CPQ: variants seen among roughly 807,000 people sequenced by gnomAD.
The protein encoded by CPQ is Ser-Met dipeptidase.
Under a neutral mutation model 45.7 loss-of-function variants are expected in CPQ, and 37 were observed. That is an observed-to-expected ratio of 0.81 (90% CI 0.62 to 1.07). The LOEUF is 1.07. CPQ is among the 50% of genes least tolerant of loss of function. CPQ has a pLI of 0.00. For missense variants in CPQ, 537 were observed against 572.9 expected (o/e 0.94, Z 0.64); for synonymous variants, 186 against 205.8 (o/e 0.90, Z 0.82).
At chr8:96,984,212 A>G (rs952191959) in intron 5 of CPQ, among the ~76,000 whole-genome samples, 19 of 152,082 alleles carry the variant, frequency 1.2e-4, no homozygotes, top group Non-Finnish European at 5.9e-5. Context: ...CATCATATAT[A>G]TTATTGTTGA....
At chr8:96,737,416 G>C (rs906300692) in intron 1 of CPQ, among the ~76,000 whole-genome samples, 5 of 145,100 alleles carry the variant, frequency 3.4e-5, no homozygotes, top group Non-Finnish European at 7.5e-5. Flanking sequence ...CCCACAATAG[G>C]CTGTCTGCAA....
At chr8:96,780,947 G>T (rs895761032) in intron 1 of CPQ, among the ~76,000 whole-genome samples, 6 of 152,006 alleles carry the variant, frequency 3.9e-5, no homozygotes, top group East Asian at 1.9e-4. Flanking sequence ...GTGCTCTAGA[G>T]GGGGAGGAGG....
intron 1 of CPQ, among the ~76,000 whole-genome samples, chr8:96,762,933 T>G (rs565509710): frequency 1.7e-4 from 26 of 152,202 alleles, no homozygotes; most frequent in Non-Finnish European, 3.8e-4. Flanking sequence ...CATCACAGAT[T>G]AAGTGGCTTA....
intron 4 of CPQ, among the ~76,000 whole-genome samples, chr8:96,888,312 G>A (rs1275324849): frequency 6.6e-6 from 1 of 152,100 alleles, no homozygotes. Context: ...TTTATTTCTG[G>A]CACAAATAAG....
intron 2 of CPQ, among the ~76,000 whole-genome samples, chr8:96,805,978 T>C (rs1354113687): frequency 6.6e-6 from 1 of 152,114 alleles, no homozygotes; most frequent in East Asian, 1.9e-4. Context: ...CTTCTGGCAA[T>C]GGATCAGCCA....
intron 4 of CPQ, among the ~76,000 whole-genome samples, chr8:96,957,870 G>T (rs1345278549): frequency 2.0e-5 from 3 of 150,024 alleles, no homozygotes; most frequent in Non-Finnish European, 3.0e-5. Flanking sequence ...ATCTGGCTCT[G>T]TGGTACATAC....
rs528586832 is a variant in CPQ at position 96,935,858 on chromosome 8, T to C, written c.850-30077T>C. ...AGGAACTCAGCCTGAGATGAAAAGG[T>C]TTCCATTAGTGAACCACATGTAGAC... On this transcript the variant is annotated intron_variant, in intron 4 of 7. Coordinates refer to ENST00000220763, the MANE Select transcript of CPQ (RefSeq NM_016134.4). Among the ~76,000 whole-genome samples the C allele has an allele frequency of 9.2e-5, 14 of 152,268 alleles. 1 individual carries two copies. Among genetic ancestry groups the C allele is most frequent in the East Asian group, 3.9e-4 (2 of 5,188 alleles).
rs535048583 is a variant in CPQ at position 97,000,012 on chromosome 8, G to A, written c.962-29391G>A. Among the ~76,000 whole-genome samples the A allele has an allele frequency of 4.0e-3, 554 of 138,762 alleles. 4 individuals are homozygous for A. Among genetic ancestry groups the A allele is most frequent in the African/African-American group, 0.014 (524 of 37,648 alleles). 91.0% of individuals were successfully genotyped at this position (138,762 alleles called of 152,430 possible). A position where few individuals can be genotyped will look rare whatever the true frequency, so the allele number is the denominator to read the frequency against. ...AGTGCTGCTGAGCTTTTTTTTTTTT[G>A]TATGATTGTTGGCTTCATGTATGTC... On this transcript the variant is annotated intron_variant, in intron 5 of 7. Coordinates refer to ENST00000220763, the MANE Select transcript of CPQ (RefSeq NM_016134.4).
At chr8:96,918,871 T>C (rs1812767750) in intron 4 of CPQ, among the ~76,000 whole-genome samples, 1 of 152,128 alleles carries the variant, frequency 6.6e-6, no homozygotes, top group Non-Finnish European at 1.5e-5. Context: ...AGGGTGTATA[T>C]GCTTTTCATA....
chr8:96,738,306 T>C (rs1174014249), intron 1 of CPQ, among the ~76,000 whole-genome samples: 1 of 152,164 alleles, frequency 6.6e-6, no homozygotes, highest in Non-Finnish European at 1.5e-5. Flanking sequence ...GGAGGTATGT[T>C]AAAATCTTCC....
intron 1 of CPQ, among the ~76,000 whole-genome samples, chr8:96,687,790 T>C (rs914473313): frequency 7.9e-5 from 12 of 152,132 alleles, no homozygotes; most frequent in Non-Finnish European, 7.4e-5. Flanking sequence ...ATTTTCATTT[T>C]CTGGGTTTGT....
chr8:97,028,459 A>G (rs1162100935), intron 5 of CPQ, among the ~76,000 whole-genome samples: 1 of 152,240 alleles, frequency 6.6e-6, no homozygotes, highest in Non-Finnish European at 1.5e-5. Flanking sequence ...ATGGCTCCCC[A>G]TGAGGAGGTG....
intron 5 of CPQ, among the ~76,000 whole-genome samples, chr8:97,009,844 C>G (rs1364818084): frequency 6.6e-6 from 1 of 152,172 alleles, no homozygotes; most frequent in Non-Finnish European, 1.5e-5. Flanking sequence ...ATGGCCTCAG[C>G]TTACAGTGTG....
intron 1 of CPQ, among the ~76,000 whole-genome samples, chr8:96,689,055 A>G (rs1809271267): frequency 6.6e-6 from 1 of 152,190 alleles, no homozygotes; most frequent in Non-Finnish European, 1.5e-5. Context: ...ATCTTCTCAA[A>G]TTTCTTCATA....
intron 2 of CPQ, among the ~76,000 whole-genome samples, chr8:96,810,661 C>T (rs1029818853): frequency 2.6e-5 from 4 of 152,134 alleles, no homozygotes; most frequent in Non-Finnish European, 4.4e-5. Flanking sequence ...CCAAACCAAA[C>T]GGATAAAATA....
chr8:97,055,024 T>C (rs574758707), intron 6 of CPQ, among the ~76,000 whole-genome samples: 1 of 150,288 alleles, frequency 6.7e-6, no homozygotes, highest in South Asian at 2.1e-4. Context: ...TGGAAAATAA[T>C]AGTTACCCTC....
intron 5 of CPQ, among the ~76,000 whole-genome samples, chr8:96,981,144 G>A (rs541369467): frequency 6.6e-6 from 1 of 152,170 alleles, no homozygotes; most frequent in South Asian, 2.1e-4. Context: ...TTACCCTGGG[G>A]CCTGAATTTT....
At chr8:96,967,185 A>G (rs1813580968) in intron 5 of CPQ, among the ~76,000 whole-genome samples, 1 of 152,156 alleles carries the variant, frequency 6.6e-6, no homozygotes, top group Non-Finnish European at 1.5e-5. Flanking sequence ...AGCAGGAAAA[A>G]GTCGAACATT....
chr8:97,039,457 ATTCT>A (rs1292703405), intron 6 of CPQ, among the ~76,000 whole-genome samples: 2 of 147,886 alleles, frequency 1.4e-5, no homozygotes, highest in African/African-American at 5.0e-5. Context: ...AACAATTGTG[ATTCT>A]TTTTTTTTTG....
Sources: gnomAD v4.1 joint callset for allele counts (sites outside exome capture counted in the v4.1 genomes callset) on GRCh38, gnomAD v4.1.1 for gene constraint, MANE v1.5 for transcripts, NCBI Gene and HGNC (gene_info 2026-07-23, HGNC 2026-07-21) for gene names.